The following CCDC146 variants were observed in gnomAD, a reference collection of about 807,000 sequenced individuals.
CCDC146 encodes the protein coiled-coil domain containing 146.
Under a neutral mutation model 119.3 loss-of-function variants are expected in CCDC146, and 92 were observed. That is an observed-to-expected ratio of 0.77 (90% CI 0.65 to 0.92). The LOEUF (loss-of-function observed/expected upper bound fraction) is 0.92. Among genes scored for constraint, CCDC146 ranks in the 40% least tolerant of loss-of-function variants. The pLI is 0.00. For synonymous variants in CCDC146, 372 were observed against 371.8 expected (o/e 1.00, Z -0.01); for missense variants, 1,000 against 1,103.0 (o/e 0.91, Z 1.32).
intron 1 of CCDC146, among the ~76,000 whole-genome samples, chr7:77,139,141 CTT>C (rs1790898967): frequency 6.6e-6 from 1 of 152,194 alleles, no homozygotes; most frequent in Non-Finnish European, 1.5e-5. Flanking sequence ...AATAAATAAA[CTT>C]TGACACATCC....
At chr7:77,285,709 T>A (rs1299212170) in intron 15 of CCDC146, among the ~76,000 whole-genome samples, 1 of 152,208 alleles carries the variant, frequency 6.6e-6, no homozygotes. Context: ...TCTCTCTCCC[T>A]ATAAAACAAA....
intron 2 of CCDC146, among the ~76,000 whole-genome samples, chr7:77,207,333 G>A (rs890497079): frequency 9.2e-5 from 14 of 152,060 alleles, no homozygotes; most frequent in African/African-American, 2.4e-4. Flanking sequence ...TGGAAAAAAC[G>A]ACTTCATGAT....
intron 15 of CCDC146, among the ~76,000 whole-genome samples, chr7:77,285,480 T>A (rs1793831902): frequency 6.6e-6 from 1 of 152,208 alleles, no homozygotes; most frequent in African/African-American, 2.4e-5. Context: ...ATAAATTAAA[T>A]TTTAAAAATG....
At chr7:77,288,135 C>T (rs75506497) in intron 17 of CCDC146, among the ~76,000 whole-genome samples, 12,238 of 152,210 alleles carry the variant, frequency 0.08, 692 homozygotes, top group Non-Finnish European at 0.11. Flanking sequence ...GCCTCAGGGT[C>T]AGGGTGGGAC....
chr7:77,294,607 A>G (rs917428159), intron 18 of CCDC146, 56 bp from the exon 19 acceptor site: 39 of 1,556,020 alleles, frequency 2.5e-5, no homozygotes, highest in Admixed American at 3.4e-5. Context: ...ACCTAAGGAT[A>G]AAGTGACTTC....
At chr7:77,156,221 A>G (rs1290681468) in intron 1 of CCDC146, among the ~76,000 whole-genome samples, 1 of 152,212 alleles carries the variant, frequency 6.6e-6, no homozygotes, top group Non-Finnish European at 1.5e-5. Context: ...TAAAGGCCAG[A>G]TATGCACTTG....
chr7:77,294,930 G>C lies in CCDC146; in HGVS notation c.*64G>C. ...CAACCAGGCTTCCTTGTACCCACAG[G>C]TGAAAAATGTGAGCATAATACTTCT... On this transcript the variant is annotated 3_prime_UTR_variant, in exon 19 of 19. Transcript: ENST00000285871. 7.8e-7 allele frequency: 1 copy of C among 1,289,316 alleles called. No individual in the cohort carries two copies. Among genetic ancestry groups the C allele is most frequent in the Non-Finnish European group, 1.1e-6 (1 of 918,084 alleles). The allele number at this position is 1,289,316 out of a possible 1,614,324, so 79.9% of individuals were successfully genotyped here.
Position 77,273,701 on chromosome 7 carries a change from C to G in CCDC146, c.1181C>G (p.Ala394Gly). ...TTAAATTTTGATTTCCAGATGGAAG[C>G]TATCCCCAAAGATGATTCTACATTA... ...LHQRLLLEME[A>G]IPKDDSTLSE... Residue 394 changes from alanine (A) to glycine (G), a missense_variant, in exon 10 of 19, where the codon GCT becomes GGT. Around this residue, in one of 2 missense-constraint regions of CCDC146, gnomAD observed 985 missense variants for 1,045.3 expected, o/e 0.94. Coordinates refer to ENST00000285871, the MANE Select transcript of CCDC146 (RefSeq NM_020879.3). 6.2e-7 allele frequency: 1 copy of G among 1,605,660 alleles called. No homozygotes were observed. The highest frequency in any genetic ancestry group is 8.5e-7 in the Non-Finnish European group (1 of 1,174,598).
chr7:77,253,201 A>G (rs1173664082), intron 4 of CCDC146, among the ~76,000 whole-genome samples: 2 of 152,224 alleles, frequency 1.3e-5, no homozygotes, highest in African/African-American at 2.4e-5. Flanking sequence ...ATAACCACTT[A>G]GACTTGGCTC....
intron 2 of CCDC146, among the ~76,000 whole-genome samples, chr7:77,182,441 T>C (rs1791604194): frequency 1.3e-5 from 2 of 152,144 alleles, no homozygotes; most frequent in South Asian, 4.1e-4. Flanking sequence ...AAAATTGCTT[T>C]TATCACTTTT....
intron 11 of CCDC146, among the ~76,000 whole-genome samples, chr7:77,275,418 T>G (rs965116662): frequency 2.0e-5 from 3 of 152,204 alleles, no homozygotes; most frequent in African/African-American, 4.8e-5. Flanking sequence ...AGTCCCAAGA[T>G]TCAATTAACA....
chr7:77,127,686 A>T (rs1790708229), intron 1 of CCDC146, among the ~76,000 whole-genome samples: 1 of 152,114 alleles, frequency 6.6e-6, no homozygotes, highest in African/African-American at 2.4e-5. Context: ...CCTGCTCAGA[A>T]GTCAATACGC....
At chr7:77,239,220 A>C (rs572931443) in intron 3 of CCDC146, among the ~76,000 whole-genome samples, 1 of 152,360 alleles carries the variant, frequency 6.6e-6, no homozygotes, top group African/African-American at 2.4e-5. Context: ...CAGGCACTGT[A>C]GCCTGGTCCA....
chr7:77,226,558 T>C (rs1313429018), intron 2 of CCDC146, among the ~76,000 whole-genome samples: 2 of 152,246 alleles, frequency 1.3e-5, no homozygotes, highest in Admixed American at 6.5e-5. Context: ...AATCATGAAC[T>C]CTTTTTAAAC....
At chr7:77,153,315 G>A (rs745601444) in intron 1 of CCDC146, among the ~76,000 whole-genome samples, 1 of 152,130 alleles carries the variant, frequency 6.6e-6, no homozygotes, top group Non-Finnish European at 1.5e-5. Context: ...AAGCAGGTTT[G>A]CAAGGCAATT....
chr7:77,179,249 G>A (rs940932077), intron 2 of CCDC146, among the ~76,000 whole-genome samples: 1 of 151,890 alleles, frequency 6.6e-6, no homozygotes, highest in Non-Finnish European at 1.5e-5. Context: ...TCAGCCATGG[G>A]GCTAGTTTTA....
At chr7:77,240,584 T>C (rs543974512) in intron 3 of CCDC146, among the ~76,000 whole-genome samples, 75 of 152,376 alleles carry the variant, frequency 4.9e-4, no homozygotes, top group African/African-American at 1.7e-3. Flanking sequence ...ATGGTTGTTA[T>C]GCTGTATTGT....
At chr7:77,277,297 C>T (rs1793667413) in intron 11 of CCDC146, among the ~76,000 whole-genome samples, 1 of 152,010 alleles carries the variant, frequency 6.6e-6, no homozygotes, top group African/African-American at 2.4e-5. Flanking sequence ...AACACTGATC[C>T]GTTTTATGAA....
intron 2 of CCDC146, among the ~76,000 whole-genome samples, chr7:77,208,123 CT>C (rs1451302066): frequency 2.0e-5 from 3 of 152,156 alleles, no homozygotes; most frequent in Non-Finnish European, 4.4e-5. Context: ...GTAAGGACAC[CT>C]TTTCTGAACC....
Sources: allele counts gnomAD v4.1 joint callset (sites outside exome capture counted in the v4.1 genomes callset), GRCh38; gene constraint gnomAD v4.1.1; regional missense constraint gnomAD v4.1.1; transcripts MANE v1.5; gene names NCBI Gene and HGNC (gene_info 2026-07-23, HGNC 2026-07-21).